PRR5L: variants seen among roughly 807,000 people sequenced by gnomAD.
PRR5L encodes proline-rich protein 5-like.
A neutral mutation model predicts 36.4 loss-of-function variants in PRR5L; 21 were observed. The ratio of observed to expected loss-of-function variants is 0.58; its 90% CI spans 0.41 to 0.83. The LOEUF (loss-of-function observed/expected upper bound fraction) is 0.83, where lower values mean the gene tolerates loss of function less well. PRR5L is among the 40% of genes least tolerant of loss of function. The pLI, the probability that PRR5L is intolerant of heterozygous loss-of-function variation, is 0.00. For synonymous variants in PRR5L, 188 were observed against 197.0 expected (o/e 0.95, Z 0.38); for missense variants, 381 against 473.3 (o/e 0.80, Z 1.81).
intron 3 of PRR5L, among the ~76,000 whole-genome samples, chr11:36,407,629 A>G (rs1857937699): frequency 6.6e-6 from 1 of 152,242 alleles, no homozygotes; most frequent in Admixed American, 6.5e-5. Flanking sequence ...TTGATGGAGT[A>G]TCCAAGTCTG....
At chr11:36,398,814 TC>T (rs1388906273) in intron 1 of PRR5L, 1 of 152,242 alleles carries the variant, frequency 6.6e-6, no homozygotes, top group Non-Finnish European at 1.5e-5. Context: ...AGTGGATGTT[TC>T]GGCAGGAAGA....
chr11:36,345,471 A>G (rs1446084054), intron 1 of PRR5L, among the ~76,000 whole-genome samples: 1 of 152,150 alleles, frequency 6.6e-6, no homozygotes, highest in Non-Finnish European at 1.5e-5. Flanking sequence ...ATTTTCAGGA[A>G]TTCTGTGCAT....
Position 36,376,046 on chromosome 11 carries a change from C to T in PRR5L, c.-125-24951C>T, listed in dbSNP as rs941523395. The T allele has an allele frequency of 1.5e-5, 11 of 751,398 alleles. No individual in the cohort carries two copies. In the East Asian group the frequency reaches 1.9e-4, roughly 13 times the overall value. The allele number at this position is 751,398 out of a possible 1,614,324, so 46.5% of individuals were successfully genotyped here. A position where few individuals can be genotyped will look rare whatever the true frequency, so the allele number is the denominator to read the frequency against. ...GGGCGGGGGTCGGCTGCAGATCTCC[C>T]GTTGTGTGAGAGAAACGCAAGCACG... On this transcript the variant is annotated intron_variant, in intron 1 of 8. Transcript: ENST00000530639.
In PRR5L at chr11:36,462,691, G is replaced by A. The variant is rs1361350105; in HGVS notation, c.1062G>A (p.Arg354=). 10 of 1,601,288 alleles carry A rather than the reference G, an allele frequency of 6.2e-6. 1 individual carries two copies. Among genetic ancestry groups the A allele is most frequent in the South Asian group, 3.4e-5 (3 of 89,162 alleles). ...CTGACGGACTGGAGGAGGGGGCCAG[G>A]GGCAGCCAGGAGGGCTCGGAGCTGA... The part of the protein sequence containing the change: ...DNPDGLEEGA[R]GSQEGSELNC... The change falls in exon 9 of 9, where the codon AGG becomes AGA. Residue 354 remains arginine, a synonymous_variant. Coordinates refer to ENST00000530639, the MANE Select transcript of PRR5L (RefSeq NM_001160167.2).
intron 1 of PRR5L, among the ~76,000 whole-genome samples, chr11:36,330,207 T>C (rs1856704670): frequency 6.6e-6 from 1 of 152,196 alleles, no homozygotes; most frequent in African/African-American, 2.4e-5. Flanking sequence ...ACATATAATC[T>C]ACTAAATTGC....
At chr11:36,402,917 C>T (rs1322665930) in intron 2 of PRR5L, among the ~76,000 whole-genome samples, 1 of 152,240 alleles carries the variant, frequency 6.6e-6, no homozygotes, top group Non-Finnish European at 1.5e-5. Context: ...CCTGTGAAGA[C>T]AGTGGCTGTG....
chr11:36,435,995 G>A (rs750868940), intron 5 of PRR5L, among the ~76,000 whole-genome samples: 1 of 152,194 alleles, frequency 6.6e-6, no homozygotes, highest in African/African-American at 2.4e-5. Context: ...AAGCTGTTCC[G>A]ATAAAGTGTG....
At chr11:36,398,351 C>G (rs903876734) in intron 1 of PRR5L, 1 of 152,294 alleles carries the variant, frequency 6.6e-6, no homozygotes, top group Non-Finnish European at 1.5e-5. Context: ...AGATATAGGT[C>G]AGGACAGGCC....
At chr11:36,420,874 C>A (rs1246876959) in intron 4 of PRR5L, among the ~76,000 whole-genome samples, 1 of 151,706 alleles carries the variant, frequency 6.6e-6, no homozygotes, top group Non-Finnish European at 1.5e-5. Flanking sequence ...CACACACACA[C>A]ACACGGACAG....
At chr11:36,414,063 A>T (rs1051167913) in intron 3 of PRR5L, among the ~76,000 whole-genome samples, 3 of 149,804 alleles carry the variant, frequency 2.0e-5, no homozygotes, top group Non-Finnish European at 4.4e-5. Flanking sequence ...TTATGGCTGC[A>T]TAGTATTCCA....
At chr11:36,426,590 T>G (rs2133592645) in intron 4 of PRR5L, among the ~76,000 whole-genome samples, 1 of 152,346 alleles carries the variant, frequency 6.6e-6, no homozygotes, top group East Asian at 1.9e-4. Flanking sequence ...GGGCTTTGGA[T>G]TCAGACCAAC....
chr11:36,460,317 C>G (rs1355216263), intron 8 of PRR5L, among the ~76,000 whole-genome samples: 2 of 152,284 alleles, frequency 1.3e-5, no homozygotes, highest in East Asian at 3.9e-4. Flanking sequence ...CCTTCAGCAT[C>G]TCAGACGCGA....
chr11:36,417,197 A>G (rs565562382), intron 3 of PRR5L, among the ~76,000 whole-genome samples: 23 of 152,236 alleles, frequency 1.5e-4, no homozygotes, highest in African/African-American at 5.5e-4. Context: ...GCTCTCTCCT[A>G]AGTAGCCTAT....
At chr11:36,427,203 G>A (rs186077235) in intron 4 of PRR5L, among the ~76,000 whole-genome samples, 49 of 152,210 alleles carry the variant, frequency 3.2e-4, no homozygotes, top group Non-Finnish European at 5.4e-4. Context: ...AATTAGATAC[G>A]TCAGCTGTTT....
chr11:36,378,892 G>T (rs1283242238), intron 1 of PRR5L, among the ~76,000 whole-genome samples: 1 of 152,164 alleles, frequency 6.6e-6, no homozygotes, highest in Non-Finnish European at 1.5e-5. Flanking sequence ...ATACACACAG[G>T]GATGGAGCTG....
chr11:36,377,781 G>A lies in PRR5L; in HGVS notation c.-125-23216G>A, dbSNP rs3812774. 0.054 allele frequency: 8,289 copies of A among 152,324 alleles called. 271 individuals carry two copies. The highest frequency in any genetic ancestry group is 0.12 in the Middle Eastern group (34 of 294). The allele number at this position is 152,324 out of a possible 1,614,324, so 9.4% of individuals were successfully genotyped here. ...CGGTGCGCAAGGTTTCAATTACTGC[G>A]ATGCGCCCCACAAGACGAAAGGTTC... On this transcript the variant is annotated intron_variant, in intron 1 of 8. Transcript: ENST00000530639. This position sits in a 1 kb window ranked among gnomAD's most constrained non-coding sequence, Gnocchi z 5.1.
intron 6 of PRR5L, 36 bp downstream of exon 6, chr11:36,437,512 A>C (rs1286445668): frequency 7.5e-7 from 1 of 1,327,984 alleles, no homozygotes; most frequent in Admixed American, 1.8e-5. Flanking sequence ...TGCCATCCTC[A>C]GCGATCTGTC....
chr11:36,368,561 C>T (rs1459461239), intron 1 of PRR5L, among the ~76,000 whole-genome samples: 1 of 152,154 alleles, frequency 6.6e-6, no homozygotes, highest in Non-Finnish European at 1.5e-5. Context: ...AAACTATTTT[C>T]ATAGAAAACT....
At chr11:36,337,556 C>A (rs1856780624) in intron 1 of PRR5L, among the ~76,000 whole-genome samples, 1 of 152,196 alleles carries the variant, frequency 6.6e-6, no homozygotes, top group African/African-American at 2.4e-5. Flanking sequence ...AATCCCAATT[C>A]TTAGAATGGT....
Sources: allele counts gnomAD v4.1 joint callset (sites outside exome capture counted in the v4.1 genomes callset), GRCh38; gene constraint gnomAD v4.1.1; non-coding constraint Gnocchi (gnomAD v3.1); transcripts MANE v1.5; gene names NCBI Gene and HGNC (gene_info 2026-07-23, HGNC 2026-07-21).